The following MPDZ variants were observed in gnomAD, a reference collection of about 807,000 sequenced individuals.
MPDZ encodes the protein multiple PDZ domain crumbs cell polarity complex component, also known as multiple PDZ domain protein.
MPDZ carries 234 observed loss-of-function variants against 239.1 expected under a neutral mutation model. The ratio of observed to expected loss-of-function variants is 0.98; its 90% CI spans 0.88 to 1.09. The LOEUF (loss-of-function observed/expected upper bound fraction) is 1.09. MPDZ is among the 50% of genes least tolerant of loss of function. The pLI, the probability that MPDZ is intolerant of heterozygous loss-of-function variation, is 0.00. For synonymous variants in MPDZ, 1,048 were observed against 881.3 expected (o/e 1.19, Z -3.35); for missense variants, 3,175 against 2,510.0 (o/e 1.26, Z -5.66).
Position 13,206,024 on chromosome 9 carries a change from G to T in MPDZ, c.1366C>A (p.Leu456Ile), listed in dbSNP as rs767260604. The T allele has an allele frequency of 5.0e-6, 8 of 1,612,480 alleles. No individual in the cohort carries two copies. Among genetic ancestry groups the T allele is most frequent in the Non-Finnish European group, 6.8e-6 (8 of 1,179,470 alleles). ...ATTCCTCTCCTCATTAGTGTCAGGA[G>T]CACAGTTTGTCCTGTATGTCGCAAT... ...EVLRHTGQTVLLTLMRRGMKQ... is the reference protein window; with the variant it reads ...EVLRHTGQTVILTLMRRGMKQ... Residue 456 changes from leucine to isoleucine, a missense_variant, in exon 11 of 47, where the codon CTC becomes ATC. Physicochemically the swap from Leu to Ile is conservative, Grantham distance 5 (BLOSUM62 2). Coordinates refer to ENST00000319217, the MANE Select transcript of MPDZ (RefSeq NM_001378778.1).
chr9:13,141,244 T>A (rs1947625931), intron 27 of MPDZ, among the ~76,000 whole-genome samples: 1 of 152,238 alleles, frequency 6.6e-6, no homozygotes, highest in Non-Finnish European at 1.5e-5. Context: ...GGTCTTTAAG[T>A]TGCTGAGTTC....
chr9:13,122,136 CCTT>C lies in MPDZ; in HGVS notation c.4985_4987del (p.Glu1662del). On this transcript the variant is annotated inframe_deletion, in exon 37 of 47. Coordinates refer to ENST00000319217, the MANE Select transcript of MPDZ (RefSeq NM_001378778.1). ...GAGTCTTCCATCTTTACATGCTGCT[CCTT>C]CTTCATAAACTTCATGGATAATAAT... The C allele has an allele frequency of 6.2e-7, 1 of 1,613,988 alleles. No individual in the cohort carries two copies. Among genetic ancestry groups the C allele is most frequent in the African/African-American group, 1.3e-5 (1 of 75,038 alleles).
chr9:13,224,336 C>T (rs1275286093), intron 4 of MPDZ, 38 bp downstream of exon 4: 1 of 1,471,476 alleles, frequency 6.8e-7, no homozygotes, highest in Non-Finnish European at 9.4e-7. Context: ...TAAATTACTA[C>T]AGGTATTACA....
At position 13,175,039 on chromosome 9, in the gene MPDZ, A is replaced by C. The variant is rs190575567; in HGVS notation, c.3055+713T>G. 4.9e-3 allele frequency among the ~76,000 whole-genome samples: 745 copies of C among 152,242 alleles called. 6 individuals are homozygous for C. Among genetic ancestry groups the C allele is most frequent in the African/African-American group, 0.017 (719 of 41,544 alleles). On this transcript the variant is annotated intron_variant, in intron 21 of 46. Transcript: ENST00000319217. ...GGATCTCTGATGCTGAATTAACCAG[A>C]GTCTTGGGCTGCATTTGGACACTCA...
rs2132352653 is a variant in MPDZ, at chr9:13,137,939, T to A, written c.4200+18A>T. The A allele has an allele frequency of 6.2e-7, 1 of 1,612,494 alleles. No homozygotes were observed. The highest frequency in any genetic ancestry group is 8.5e-7 in the Non-Finnish European group (1 of 1,179,110). Reference sequence around the variant, plus strand: ...TTATAAAACAAGAATAAATTCAAAATTTTCCACAAAAACTTACCTCTAGAA... The same window carrying A: ...TTATAAAACAAGAATAAATTCAAAAATTTCCACAAAAACTTACCTCTAGAA... On this transcript the variant is annotated intron_variant, in intron 29 of 46. Transcript: ENST00000319217.
At chr9:13,151,141 AACAC>A (rs113800698) in intron 24 of MPDZ, among the ~76,000 whole-genome samples, 1 of 150,590 alleles carries the variant, frequency 6.6e-6, no homozygotes, top group Non-Finnish European at 1.5e-5. Flanking sequence ...ACCTACTAAA[AACAC>A]ACACACACAC....
chr9:13,182,592 C>G (rs1953501794), intron 19 of MPDZ, among the ~76,000 whole-genome samples: 1 of 151,792 alleles, frequency 6.6e-6, no homozygotes, highest in Admixed American at 6.6e-5. Context: ...GAAAAATGAG[C>G]AACCCAATAC....
intron 1 of MPDZ, among the ~76,000 whole-genome samples, chr9:13,274,976 T>C (rs1434132041): frequency 6.6e-6 from 1 of 152,164 alleles, no homozygotes; most frequent in Non-Finnish European, 1.5e-5. Flanking sequence ...AGAGGCACAA[T>C]TTCCCAATGA....
At chr9:13,123,112 G>A in intron 36 of MPDZ, 41 bp downstream of exon 36, 1 of 1,539,436 alleles carries the variant, frequency 6.5e-7, no homozygotes, top group South Asian at 1.3e-5. Context: ...AGGCCTGGCT[G>A]AAGGACGGCC....
intron 15 of MPDZ, 29 bp downstream of exon 15, chr9:13,192,102 G>A (rs766413352): frequency 1.3e-6 from 2 of 1,544,618 alleles, no homozygotes; most frequent in African/African-American, 2.7e-5. Context: ...TATATATGTA[G>A]GTTAGCCTCA....
At position 13,106,133 on chromosome 9, in the gene MPDZ, C is replaced by T. The variant is rs1360591706; in HGVS notation, c.*832G>A. 1.3e-5 allele frequency: 2 copies of T among 152,146 alleles called. No homozygotes were observed. The highest frequency in any genetic ancestry group is 2.9e-5 in the Non-Finnish European group (2 of 68,020). 9.4% of individuals were successfully genotyped at this position (152,146 alleles called of 1,614,324 possible). On this transcript the variant is annotated 3_prime_UTR_variant, in exon 47 of 47. Transcript: ENST00000319217. Reference sequence around the variant, plus strand: ...ATGTTGCATCGGTTGTTAAAACCAGCACTAAAGATTCTGGAACCCTTCTAT... The same window carrying T: ...ATGTTGCATCGGTTGTTAAAACCAGTACTAAAGATTCTGGAACCCTTCTAT...
chr9:13,120,012 C>A (rs1375375120), intron 38 of MPDZ: 2 of 214,630 alleles, frequency 9.3e-6, no homozygotes, highest in Non-Finnish European at 9.3e-6. Flanking sequence ...CTTTCCAAAT[C>A]AGAATGGAGC....
intron 21 of MPDZ, among the ~76,000 whole-genome samples, chr9:13,170,195 G>A (rs2133959217): frequency 6.6e-6 from 1 of 151,990 alleles, no homozygotes; most frequent in Non-Finnish European, 1.5e-5. Context: ...TCCTTTTTAG[G>A]TTTTTATATA....
At chr9:13,137,880 G>C (rs543198901) in intron 29 of MPDZ, 77 bp downstream of exon 29, 221 of 1,416,420 alleles carry the variant, frequency 1.6e-4, no homozygotes, top group Middle Eastern at 1.4e-3. Context: ...ATAAGGTATG[G>C]GTGATTTTCT....
chr9:13,204,508 G>A (rs1293264860), intron 12 of MPDZ, among the ~76,000 whole-genome samples: 1 of 152,002 alleles, frequency 6.6e-6, no homozygotes, highest in Non-Finnish European at 1.5e-5. Flanking sequence ...TTCCCAGAAG[G>A]TATGATAATT....
intron 43 of MPDZ, 21 bp from the exon 44 acceptor site, chr9:13,110,761 C>G: frequency 1.3e-6 from 2 of 1,585,374 alleles, no homozygotes; most frequent in Non-Finnish European, 1.7e-6. Context: ...GAGAAAGAAA[C>G]AGCCATCTGC....
Position 13,162,772 on chromosome 9 carries a change from T to G in MPDZ, c.3278A>C (p.His1093Pro). The G allele has an allele frequency of 6.2e-7, 1 of 1,610,504 alleles. No individual in the cohort carries two copies. The highest frequency in any genetic ancestry group is 8.5e-7 in the Non-Finnish European group (1 of 1,177,894). Residue 1093 changes from histidine to proline, a missense_variant, in exon 23 of 47, where the codon CAT (histidine) becomes CCT (proline). Coordinates refer to ENST00000319217, the MANE Select transcript of MPDZ (RefSeq NM_001378778.1). The part of the protein sequence containing the change: ...DIKITYVPAE[H>P]LEEFKISLGQ... The stretch of plus-strand genomic sequence containing the variant: ...CAAGCTTATTTTGAACTCTTCCAAA[T>G]GTTCTGCAGGCACATAAGTAATTCT...
Position 13,121,998 on chromosome 9 carries a change from G to A in MPDZ, c.5038-66C>T, listed in dbSNP as rs1944421078. 2.5e-6 allele frequency: 4 copies of A among 1,595,790 alleles called. No homozygotes were observed. In the African/African-American group the frequency reaches 4.0e-5, roughly 16 times the overall value. ...GTAAAGGAGAGTTAGGTGGGGAAGGGAAGAGAGAGAAAGAAGCAAAGAAAG... is the reference window on the plus strand; with the variant it reads ...GTAAAGGAGAGTTAGGTGGGGAAGGAAAGAGAGAGAAAGAAGCAAAGAAAG... On this transcript the variant is annotated intron_variant, in intron 37 of 46. Coordinates refer to ENST00000319217, the MANE Select transcript of MPDZ (RefSeq NM_001378778.1).
At chr9:13,220,047 T>C (rs1958900878) in intron 7 of MPDZ, among the ~76,000 whole-genome samples, 1 of 152,024 alleles carries the variant, frequency 6.6e-6, no homozygotes, top group Non-Finnish European at 1.5e-5. Flanking sequence ...AACTTTTCAC[T>C]TTGATTTCTA....
Sources: gnomAD v4.1 joint callset for allele counts (sites outside exome capture counted in the v4.1 genomes callset) on GRCh38, gnomAD v4.1.1 for gene constraint, MANE v1.5 for transcripts, NCBI Gene and HGNC (gene_info 2026-07-23, HGNC 2026-07-21) for gene names.